The following ZNF362 variants were observed in gnomAD, a reference collection of about 807,000 sequenced individuals.
ZNF362 encodes rotund homolog.
Under a neutral mutation model 42.9 loss-of-function variants are expected in ZNF362, and 11 were observed. The observed-to-expected ratio is 0.26, with a 90% CI of 0.16 to 0.42. The LOEUF (loss-of-function observed/expected upper bound fraction) is 0.42, where lower values mean the gene tolerates loss of function less well. Ranked by LOEUF, ZNF362 falls within the 20% of genes least tolerant of loss-of-function variation. The probability of loss-of-function intolerance (pLI) is 1.00; values close to 1 mark genes in which losing one functional copy is unlikely to be tolerated. For missense variants in ZNF362, 362 were observed against 576.2 expected (o/e 0.63, Z 3.81); for synonymous variants, 255 against 257.3 (o/e 0.99, Z 0.09).
At chr1:33,295,396 T>C in intron 8 of ZNF362, 91 bp downstream of exon 8, 1 of 1,453,500 alleles carries the variant, frequency 6.9e-7, no homozygotes, top group East Asian at 2.5e-5. Flanking sequence ...CTGTGTCGAC[T>C]CTTCCCATTT....
At position 33,271,090 on chromosome 1, in the gene ZNF362, C is replaced by A. The variant is rs1010551481; in HGVS notation, c.38+478C>A. 2.0e-5 allele frequency among the ~76,000 whole-genome samples: 3 copies of A among 152,158 alleles called. No homozygotes were observed. In the South Asian group the frequency reaches 6.2e-4, roughly 31 times the overall value. On this transcript the variant is annotated intron_variant, in intron 2 of 8. Transcript: ENST00000539719. ...GCCTCTTCTCCTGTCCTTTCTAGTC[C>A]CCTCTACATTGGGCACTCAGAGGGG...
At chr1:33,147,607 C>T in the ZNF362 span, 10 of 1,613,996 alleles carry the variant, frequency 6.2e-6, no homozygotes, top group Non-Finnish European at 8.5e-6. This position sits in a 1 kb window ranked among gnomAD's most constrained non-coding sequence, Gnocchi z 8.1. Flanking sequence ...CACATCGAAG[C>T]GCTTTGGCGA....
the ZNF362 span, among the ~76,000 whole-genome samples, chr1:33,178,164 T>C: frequency 1.3e-5 from 2 of 152,190 alleles, no homozygotes; most frequent in Non-Finnish European, 2.9e-5. Context: ...CCTCTCCCTC[T>C]CCTGTTTCCC....
Position 33,281,560 on chromosome 1 carries a change from C to A in ZNF362, c.684-27C>A. ...AGATGGACAGTCTGGGGGATCTTCC[C>A]ACGTGAACCTGTCTCTTGCTCCGCA... On this transcript the variant is annotated intron_variant, in intron 5 of 8. Coordinates refer to ENST00000539719, the MANE Select transcript of ZNF362 (RefSeq NM_152493.3). The surrounding 1 kb of genome is among the most constrained non-coding windows in gnomAD (Gnocchi z 4.8). The A allele has an allele frequency of 6.2e-7, 1 of 1,611,208 alleles. No individual in the cohort carries two copies.
chr1:33,245,976 G>T, the ZNF362 span, among the ~76,000 whole-genome samples: 1 of 152,128 alleles, frequency 6.6e-6, no homozygotes, highest in East Asian at 1.9e-4. Flanking sequence ...AGAGACAGCT[G>T]TGGGAAGACA....
the ZNF362 span, among the ~76,000 whole-genome samples, chr1:33,187,391 A>G: frequency 6.6e-6 from 1 of 152,170 alleles, no homozygotes; most frequent in Non-Finnish European, 1.5e-5. Context: ...CATTCATATT[A>G]AGTTTCATGT....
At chr1:33,257,042 T>G (rs2148054989) in intron 1 of ZNF362, among the ~76,000 whole-genome samples, 1 of 152,298 alleles carries the variant, frequency 6.6e-6, no homozygotes, top group East Asian at 1.9e-4. Flanking sequence ...ACGGCGCGGT[T>G]CGCGCACTTT....
Position 33,280,591 on chromosome 1 carries a change from G to C in ZNF362, c.683+134G>C. ...GGGCAGGGCTAGGGTCCAGAGGGGC[G>C]GGGCCTTCTGGAGAGCCCCACCCAC... On this transcript the variant is annotated intron_variant, in intron 5 of 8. Transcript: ENST00000539719. The surrounding 1 kb of genome is among the most constrained non-coding windows in gnomAD (Gnocchi z 5.6). 7.0e-7 allele frequency: 1 copy of C among 1,421,640 alleles called. No homozygotes were observed. The highest frequency in any genetic ancestry group is 9.2e-7 in the Non-Finnish European group (1 of 1,081,838). The allele number at this position is 1,421,640 out of a possible 1,614,324, so 88.1% of individuals were successfully genotyped here. A position where few individuals can be genotyped will look rare whatever the true frequency, so the allele number is the denominator to read the frequency against.
the ZNF362 span, among the ~76,000 whole-genome samples, chr1:33,134,548 C>A: frequency 1.3e-5 from 2 of 152,116 alleles, no homozygotes; most frequent in African/African-American, 4.8e-5. Context: ...AGAGCTAGGA[C>A]CACCAGAGAC....
the ZNF362 span, among the ~76,000 whole-genome samples, chr1:33,240,184 G>A: frequency 6.6e-6 from 1 of 152,130 alleles, no homozygotes; most frequent in Admixed American, 6.5e-5. Context: ...ACTTCATCAA[G>A]TGATCAAAGT....
Position 33,299,239 on chromosome 1 carries a change from T to A in ZNF362, c.*193T>A. 5.3e-6 allele frequency: 3 copies of A among 568,506 alleles called. No homozygotes were observed. The highest frequency in any genetic ancestry group is 9.5e-6 in the Non-Finnish European group (3 of 316,082). 35.2% of individuals were successfully genotyped at this position (568,506 alleles called of 1,614,324 possible). On this transcript the variant is annotated 3_prime_UTR_variant, in exon 9 of 9. Transcript: ENST00000539719. ...GGCGGCCAGGCCAACTGCAAGATTC[T>A]GGACTGTTTTGGTGGCATCCAAAGA...
chr1:33,170,668 C>T, the ZNF362 span, among the ~76,000 whole-genome samples: 7 of 152,092 alleles, frequency 4.6e-5, no homozygotes, highest in Admixed American at 1.3e-4. Context: ...GAAAACCAAA[C>T]CCTAGAGTCC....
In ZNF362 at chr1:33,273,944, C is replaced by G. The variant is rs576594250; in HGVS notation, c.39-2156C>G. On this transcript the variant is annotated intron_variant, in intron 2 of 8. Transcript: ENST00000539719. ...TATTGATAACCTCTGGGCCTGGGTG[C>G]TGGGGATACCCAGATGAACAGGACA... Among the ~76,000 whole-genome samples, 7 of 152,328 alleles carry G rather than the reference C, an allele frequency of 4.6e-5. No homozygotes were observed. In the South Asian group the frequency reaches 1.4e-3, roughly 32 times the overall value.
At chr1:33,136,655 C>A in the ZNF362 span, among the ~76,000 whole-genome samples, 1 of 151,574 alleles carries the variant, frequency 6.6e-6, no homozygotes, top group African/African-American at 2.4e-5. Flanking sequence ...CAGGCCTGAG[C>A]CACTGCGCCT....
the ZNF362 span, among the ~76,000 whole-genome samples, chr1:33,187,031 A>T: frequency 6.6e-6 from 1 of 152,016 alleles, no homozygotes; most frequent in Non-Finnish European, 1.5e-5. Context: ...CACTATTATC[A>T]CAAAGGGGAA....
intron 4 of ZNF362, among the ~76,000 whole-genome samples, chr1:33,277,650 CA>C (rs1306508425): frequency 6.6e-6 from 1 of 151,958 alleles, no homozygotes; most frequent in Non-Finnish European, 1.5e-5. Context: ...GAGAAGTGGA[CA>C]GATATGAGAT....
the ZNF362 span, among the ~76,000 whole-genome samples, chr1:33,231,598 C>T: frequency 4.6e-5 from 7 of 152,130 alleles, no homozygotes; most frequent in African/African-American, 9.7e-5. Flanking sequence ...CCACAACTGA[C>T]GCAGTTGTCA....
At chr1:33,184,296 G>A in the ZNF362 span, among the ~76,000 whole-genome samples, 20 of 152,208 alleles carry the variant, frequency 1.3e-4, no homozygotes, top group African/African-American at 3.4e-4. Context: ...TATTATCCCC[G>A]TTTTATAGAG....
intron 6 of ZNF362, among the ~76,000 whole-genome samples, chr1:33,282,952 C>G (rs1646006867): frequency 6.6e-6 from 1 of 152,038 alleles, no homozygotes; most frequent in South Asian, 2.1e-4. Flanking sequence ...TCCCTCTGTT[C>G]AGAGGGGAAG....
Sources: allele counts gnomAD v4.1 joint callset (sites outside exome capture counted in the v4.1 genomes callset), GRCh38; gene constraint gnomAD v4.1.1; non-coding constraint Gnocchi (gnomAD v3.1); transcripts MANE v1.5; gene names NCBI Gene and HGNC (gene_info 2026-07-23, HGNC 2026-07-21).